The following STPG2 variants were observed in gnomAD, a reference collection of about 807,000 sequenced individuals.
STPG2 encodes the protein sperm-tail PG-rich repeat-containing protein 2.
Under a neutral mutation model 54.2 loss-of-function variants are expected in STPG2, and 56 were observed. The ratio of observed to expected loss-of-function variants is 1.03; its 90% CI spans 0.83 to 1.29. The LOEUF is 1.29. Among genes scored for constraint, STPG2 ranks in the 50% most tolerant of loss-of-function variants. The probability of loss-of-function intolerance (pLI) is 0.00; values close to 1 mark genes in which losing one functional copy is unlikely to be tolerated. For synonymous variants in STPG2, 200 were observed against 181.8 expected, an observed-to-expected ratio of 1.10 and a Z score of -0.81; for missense variants, 596 against 544.9, an observed-to-expected ratio of 1.09 and a Z score of -0.93.
chr4:97,754,341 ACT>A (rs1037800752), intron 9 of STPG2, among the ~76,000 whole-genome samples: 1 of 151,778 alleles, frequency 6.6e-6, no homozygotes, highest in African/African-American at 2.4e-5. Context: ...TCCAAGGAAA[ACT>A]CTGTAATGCC....
At chr4:98,112,696 G>A (rs1739399451) in intron 3 of STPG2, among the ~76,000 whole-genome samples, 1 of 152,028 alleles carries the variant, frequency 6.6e-6, no homozygotes. Context: ...CCCCTTGATT[G>A]TTTCTTTCTT....
At chr4:97,782,110 G>A (rs569359571) in intron 9 of STPG2, among the ~76,000 whole-genome samples, 3 of 152,112 alleles carry the variant, frequency 2.0e-5, no homozygotes, top group Non-Finnish European at 4.4e-5. Flanking sequence ...ATCAATAAAG[G>A]GTATTCAATT....
intron 8 of STPG2, among the ~76,000 whole-genome samples, chr4:97,928,871 C>A (rs1413490074): frequency 6.6e-6 from 1 of 151,818 alleles, no homozygotes; most frequent in Non-Finnish European, 1.5e-5. Flanking sequence ...TTAAAATAAA[C>A]CAATTTTATT....
intron 4 of STPG2, among the ~76,000 whole-genome samples, chr4:97,537,473 G>A (rs761036045): frequency 6.6e-6 from 1 of 152,222 alleles, no homozygotes; most frequent in African/African-American, 2.4e-5. Flanking sequence ...AGATCGAACT[G>A]CAAGGCAGCA....
rs533619010 is a variant in STPG2 at position 97,693,151 on chromosome 4, GAA to G, written c.1320+19546_1320+19547del. The stretch of plus-strand genomic sequence containing the variant: ...ATAACAATGATAAAAAAAAAAAAAA[GAA>G]AGGTATTCAGGCAACAAATAGCATG... On this transcript the variant is annotated intron_variant, in intron 10 of 10. Coordinates refer to ENST00000295268, the MANE Select transcript of STPG2 (RefSeq NM_174952.3). Among the ~76,000 whole-genome samples, 249 of 138,434 alleles carry G rather than the reference GAA, an allele frequency of 1.8e-3. 3 individuals are homozygous for G. Among genetic ancestry groups the G allele is most frequent in the Admixed American group, 0.017 (241 of 14,148 alleles). 90.8% of individuals were successfully genotyped at this position (138,434 alleles called of 152,430 possible).
chr4:97,714,562 T>A (rs1324066257), intron 9 of STPG2, among the ~76,000 whole-genome samples: 4 of 152,194 alleles, frequency 2.6e-5, no homozygotes, highest in Non-Finnish European at 5.9e-5. Context: ...ATAAGGAAAG[T>A]GTTTTTGCAA....
intron 10 of STPG2, among the ~76,000 whole-genome samples, chr4:97,630,691 A>G (rs1362787004): frequency 6.6e-6 from 1 of 151,906 alleles, no homozygotes; most frequent in Non-Finnish European, 1.5e-5. Context: ...GAAATATCAA[A>G]ACAATTAAAT....
At chr4:97,815,842 G>A (rs1727890752) in intron 9 of STPG2, among the ~76,000 whole-genome samples, 2 of 152,098 alleles carry the variant, frequency 1.3e-5, no homozygotes, top group Non-Finnish European at 2.9e-5. Context: ...CTAATTTCAT[G>A]TGTCAACTTG....
intron 9 of STPG2, among the ~76,000 whole-genome samples, chr4:97,774,989 G>C (rs1726331424): frequency 6.6e-6 from 1 of 152,160 alleles, no homozygotes; most frequent in Non-Finnish European, 1.5e-5. Context: ...GTTACACCTG[G>C]CTATGACTGA....
intron 9 of STPG2, among the ~76,000 whole-genome samples, chr4:97,813,677 T>TAAAAAAAAAAAAAAAAAAA (rs869298230): frequency 2.2e-5 from 1 of 45,930 alleles, no homozygotes; most frequent in African/African-American, 7.9e-5. Context: ...CCCTGTCTCT[T>TAAAAAAAAAAAAAAAAAAA]AAAAAAAAAA....
At chr4:97,542,078 A>G (rs938267589) in intron 4 of STPG2, among the ~76,000 whole-genome samples, 28 of 152,214 alleles carry the variant, frequency 1.8e-4, no homozygotes, top group Admixed American at 1.5e-3. Context: ...CTTCATGTCT[A>G]AAACACCAAA....
intron 4 of STPG2, among the ~76,000 whole-genome samples, chr4:97,536,046 C>G (rs1160095): frequency 0.64 from 96,857 of 152,008 alleles, 32,075 homozygotes; most frequent in African/African-American, 0.83. Context: ...TGTAATCATA[C>G]CACCCTGCAG....
intron 9 of STPG2, among the ~76,000 whole-genome samples, chr4:97,840,402 C>T (rs1236197731): frequency 6.6e-6 from 1 of 151,144 alleles, no homozygotes; most frequent in African/African-American, 2.4e-5. Context: ...AATCTTCTTA[C>T]GTTTGAAAAA....
At chr4:97,963,339 T>C (rs754055388) in intron 7 of STPG2, among the ~76,000 whole-genome samples, 30 of 152,090 alleles carry the variant, frequency 2.0e-4, no homozygotes, top group Non-Finnish European at 3.5e-4. Flanking sequence ...AAATAGTTAA[T>C]AAATTTAATA....
chr4:97,637,398 C>A (rs2148940940), intron 10 of STPG2, among the ~76,000 whole-genome samples: 1 of 152,206 alleles, frequency 6.6e-6, no homozygotes, highest in African/African-American at 2.4e-5. Context: ...ACTGAATGGG[C>A]AAAAACTGGA....
intron 10 of STPG2, among the ~76,000 whole-genome samples, chr4:97,691,341 A>G (rs1639744514): frequency 6.6e-6 from 1 of 152,094 alleles, no homozygotes; most frequent in Non-Finnish European, 1.5e-5. Flanking sequence ...GGCATGATGA[A>G]AGTAATACCA....
At chr4:97,739,951 G>A (rs994194261) in intron 9 of STPG2, among the ~76,000 whole-genome samples, 39 of 152,122 alleles carry the variant, frequency 2.6e-4, no homozygotes, top group African/African-American at 8.9e-4. Context: ...GAACATTGAT[G>A]CAAAAATCCT....
chr4:97,703,766 T>A (rs1042470656), intron 10 of STPG2, among the ~76,000 whole-genome samples: 1 of 145,974 alleles, frequency 6.9e-6, no homozygotes, highest in African/African-American at 2.5e-5. Context: ...TATATTAGCA[T>A]AGTATATTTG....
At chr4:97,547,959 T>C (rs1477390305) in intron 4 of STPG2, among the ~76,000 whole-genome samples, 2 of 152,082 alleles carry the variant, frequency 1.3e-5, no homozygotes, top group African/African-American at 4.8e-5. Flanking sequence ...ACGACCAGCC[T>C]GACCAACGTG....
Sources: allele counts gnomAD v4.1 joint callset (sites outside exome capture counted in the v4.1 genomes callset), GRCh38; gene constraint gnomAD v4.1.1; transcripts MANE v1.5; gene names NCBI Gene and HGNC (gene_info 2026-07-23, HGNC 2026-07-21).